PRKCE: variants seen among roughly 807,000 people sequenced by gnomAD.
The protein encoded by PRKCE is protein kinase C epsilon type.
PRKCE carries 16 observed loss-of-function variants against 85.4 expected under a neutral mutation model. That is an observed-to-expected ratio of 0.19 (90% CI 0.13 to 0.28). PRKCE has a LOEUF of 0.28. PRKCE is among the 10% of genes least tolerant of loss of function. The pLI is 1.00. For missense variants in PRKCE, 573 were observed against 975.2 expected (o/e 0.59, Z 5.49); for synonymous variants, 388 against 371.5 (o/e 1.04, Z -0.51).
intron 2 of PRKCE, among the ~76,000 whole-genome samples, chr2:45,874,972 A>C (rs1694364724): frequency 6.6e-6 from 1 of 152,100 alleles, no homozygotes; most frequent in Non-Finnish European, 1.5e-5. Flanking sequence ...CATTACGGAA[A>C]GGGGAAATGT....
At chr2:45,702,365 T>C (rs1426298007) in intron 1 of PRKCE, among the ~76,000 whole-genome samples, 1 of 152,190 alleles carries the variant, frequency 6.6e-6, no homozygotes, top group Non-Finnish European at 1.5e-5. Context: ...TTAGCCTTTC[T>C]GCACCTGTGA....
chr2:45,914,893 C>A (rs181480755), intron 2 of PRKCE, among the ~76,000 whole-genome samples: 2 of 152,266 alleles, frequency 1.3e-5, no homozygotes, highest in African/African-American at 4.8e-5. Flanking sequence ...CTCTTACTAT[C>A]AACTGCTGAA....
chr2:45,711,652 C>T lies in PRKCE; in HGVS notation c.348+59204C>T, dbSNP rs758837816. On this transcript the variant is annotated intron_variant, in intron 1 of 14. Coordinates refer to ENST00000306156, the MANE Select transcript of PRKCE (RefSeq NM_005400.3). ...TTATTATTTATGTAATTTTTTGAGA[C>T]GAGTCTTGCTCTGTCACCAGGCTGG... 4.6e-5 allele frequency among the ~76,000 whole-genome samples: 7 copies of T among 152,170 alleles called. No individual in the cohort carries two copies. The South Asian group carries it at 6.2e-4, about 14-fold the overall frequency.
At chr2:45,975,674 G>A (rs1425601313) in intron 2 of PRKCE, among the ~76,000 whole-genome samples, 1 of 152,188 alleles carries the variant, frequency 6.6e-6, no homozygotes, top group Admixed American at 6.5e-5. Flanking sequence ...GTGATCATCT[G>A]TGAGTCCCCT....
chr2:46,107,929 T>G (rs1008573861), intron 11 of PRKCE, among the ~76,000 whole-genome samples: 1 of 151,888 alleles, frequency 6.6e-6, no homozygotes, highest in East Asian at 1.9e-4. Flanking sequence ...GAGGGTTTTG[T>G]TTTTGTTTTT....
Position 45,832,780 on chromosome 2 carries a change from C to T in PRKCE, c.349-10220C>T, listed in dbSNP as rs138617229. On this transcript the variant is annotated intron_variant, in intron 1 of 14. Coordinates refer to ENST00000306156, the MANE Select transcript of PRKCE (RefSeq NM_005400.3). ...TTGGAGAACCCGGCTTTAACGCACA[C>T]TCCTCTTCTGCAAATTGTGAGGATG... Among the ~76,000 whole-genome samples, 345 of 152,316 alleles carry T rather than the reference C, an allele frequency of 2.3e-3. 1 individual carries two copies. The highest frequency in any genetic ancestry group is 8.0e-3 in the African/African-American group (333 of 41,580).
intron 1 of PRKCE, among the ~76,000 whole-genome samples, chr2:45,734,414 T>C (rs762380687): frequency 1.3e-5 from 2 of 151,970 alleles, no homozygotes; most frequent in Non-Finnish European, 2.9e-5. Flanking sequence ...ATGTCTATAG[T>C]TGAGCCTGAT....
chr2:45,940,874 C>T (rs1699820865), intron 2 of PRKCE, among the ~76,000 whole-genome samples: 1 of 148,812 alleles, frequency 6.7e-6, no homozygotes, highest in Non-Finnish European at 1.5e-5. Flanking sequence ...GCCTGGCCAA[C>T]ATGGTGAAAC....
At position 45,931,593 on chromosome 2, in the gene PRKCE, A is replaced by G. The variant is rs544434309; in HGVS notation, c.413-44836A>G. Among the ~76,000 whole-genome samples the G allele has an allele frequency of 5.8e-4, 88 of 152,270 alleles. 1 individual carries two copies. In the South Asian group the frequency reaches 0.017, roughly 30 times the overall value. ...CTTCCCACCACTGCTGGTGTTCCAA[A>G]TGTTCTATAATTGAATACTTTGTAT... is the stretch of plus-strand genomic sequence containing the variant. On this transcript the variant is annotated intron_variant, in intron 2 of 14. Transcript: ENST00000306156.
At chr2:45,963,940 A>G (rs1414820285) in intron 2 of PRKCE, among the ~76,000 whole-genome samples, 1 of 152,238 alleles carries the variant, frequency 6.6e-6, no homozygotes. Flanking sequence ...AGCTCTGTGG[A>G]GCCCAAGGTG....
chr2:45,652,997 T>C lies in PRKCE; in HGVS notation c.348+549T>C, dbSNP rs1675199589. On this transcript the variant is annotated intron_variant, in intron 1 of 14. Transcript: ENST00000306156. The surrounding 1 kb of genome is among the most constrained non-coding windows in gnomAD (Gnocchi z 7.7). ...CTGACATACAAGTAGAAAAAATGTG[T>C]TCTCCTCCAGGATGTCTCCTCTATG... Among the ~76,000 whole-genome samples, 1 of 152,170 alleles carries C rather than the reference T, an allele frequency of 6.6e-6. No individual in the cohort carries two copies. The highest frequency in any genetic ancestry group is 2.4e-5 in the African/African-American group (1 of 41,446).
At chr2:45,860,798 G>T (rs921753996) in intron 2 of PRKCE, among the ~76,000 whole-genome samples, 8 of 152,124 alleles carry the variant, frequency 5.3e-5, no homozygotes, top group Non-Finnish European at 1.0e-4. Flanking sequence ...TCCCTTTGTA[G>T]ATCTGCAGCA....
chr2:45,810,104 G>A (rs1049658259), intron 1 of PRKCE, among the ~76,000 whole-genome samples: 4 of 151,506 alleles, frequency 2.6e-5, no homozygotes, highest in African/African-American at 4.8e-5. Flanking sequence ...GCAATGGTGC[G>A]ATCTCAGCTC....
At chr2:45,935,324 C>A (rs1350988653) in intron 2 of PRKCE, among the ~76,000 whole-genome samples, 1 of 152,088 alleles carries the variant, frequency 6.6e-6, no homozygotes, top group Non-Finnish European at 1.5e-5. Flanking sequence ...TGCCATTCAC[C>A]AAAGATAAGT....
intron 1 of PRKCE, among the ~76,000 whole-genome samples, chr2:45,842,298 C>T (rs1691418420): frequency 6.6e-6 from 1 of 152,126 alleles, no homozygotes; most frequent in East Asian, 1.9e-4. Flanking sequence ...TCCCTTCCGT[C>T]TTCTACACTG....
intron 1 of PRKCE, among the ~76,000 whole-genome samples, chr2:45,798,473 A>T (rs533273641): frequency 6.6e-6 from 1 of 152,336 alleles, no homozygotes; most frequent in African/African-American, 2.4e-5. Flanking sequence ...GGAGAGCCAT[A>T]TACAATGTGT....
intron 10 of PRKCE, among the ~76,000 whole-genome samples, chr2:46,012,729 A>G (rs1174041529): frequency 6.6e-6 from 1 of 152,226 alleles, no homozygotes. Flanking sequence ...AGCTTGGTGA[A>G]TGAGTGAGGG....
intron 2 of PRKCE, among the ~76,000 whole-genome samples, chr2:45,908,363 G>C (rs1697137846): frequency 6.6e-6 from 1 of 152,216 alleles, no homozygotes; most frequent in South Asian, 2.1e-4. Context: ...CCAGGAGCAA[G>C]GACCCTAGGG....
chr2:45,939,561 C>G (rs980088081), intron 2 of PRKCE, among the ~76,000 whole-genome samples: 3 of 148,806 alleles, frequency 2.0e-5, no homozygotes, highest in African/African-American at 7.4e-5. Context: ...AGTTAATGCA[C>G]TTTTTTTTTT....
Sources: allele counts gnomAD v4.1 joint callset (sites outside exome capture counted in the v4.1 genomes callset), GRCh38; gene constraint gnomAD v4.1.1; non-coding constraint Gnocchi (gnomAD v3.1); transcripts MANE v1.5; gene names NCBI Gene and HGNC (gene_info 2026-07-23, HGNC 2026-07-21).